Variants in IFT74 observed in about 807,000 individuals in gnomAD.
IFT74 encodes the protein intraflagellar transport protein 74 homolog.
A neutral mutation model predicts 96.7 loss-of-function variants in IFT74; 92 were observed. The ratio of observed to expected loss-of-function variants is 0.95; its 90% CI spans 0.80 to 1.13. IFT74 has a LOEUF of 1.13. Among genes scored for constraint, IFT74 ranks in the 50% most tolerant of loss-of-function variants. The pLI is 0.00. For synonymous variants in IFT74, 223 were observed against 213.2 expected, an observed-to-expected ratio of 1.05 and a Z score of -0.40; for missense variants, 811 against 698.2, an observed-to-expected ratio of 1.16 and a Z score of -1.82.
At chr9:27,008,728 A>C (rs1331280681) in intron 8 of IFT74, among the ~76,000 whole-genome samples, 5 of 152,186 alleles carry the variant, frequency 3.3e-5, no homozygotes, top group African/African-American at 1.2e-4. Context: ...TAAGTCATTA[A>C]GGATTTTTTG....
In IFT74 at chr9:27,064,740, C is replaced by T. The variant is rs1820556809; in HGVS notation, c.*2004C>T. Among the ~76,000 whole-genome samples the T allele has an allele frequency of 1.3e-5, 2 of 151,744 alleles. No homozygotes were observed. Among genetic ancestry groups the T allele is most frequent in the African/African-American group, 4.8e-5 (2 of 41,332 alleles). ...CAAATTTAAATGCCTTTACTTTTTC[C>T]TTAGGTTTTTTTTTATGATTTCTAC... is the stretch of plus-strand genomic sequence containing the variant. On this transcript the variant is annotated 3_prime_UTR_variant, in exon 20 of 20. Transcript: ENST00000380062.
At chr9:27,016,823 C>T (rs1717728031) in intron 10 of IFT74, 84 bp from the exon 11 acceptor site, 15 of 1,005,596 alleles carry the variant, frequency 1.5e-5, no homozygotes, top group South Asian at 2.1e-5. Flanking sequence ...TTAAATTTAC[C>T]CCCATTCTTA....
chr9:26,958,592 A>G (rs1233723981), intron 1 of IFT74, among the ~76,000 whole-genome samples: 1 of 152,198 alleles, frequency 6.6e-6, no homozygotes, highest in East Asian at 1.9e-4. Context: ...GGAAGATGTC[A>G]AGGACTAAAT....
At chr9:26,981,560 G>A (rs374587490) in intron 4 of IFT74, among the ~76,000 whole-genome samples, 250 of 151,876 alleles carry the variant, frequency 1.6e-3, no homozygotes, top group African/African-American at 5.5e-3. Context: ...GATTACAGGC[G>A]TTTGCCACCA....
Position 27,060,636 on chromosome 9 carries a change from T to G in IFT74, c.1669T>G (p.Phe557Val). The G allele has an allele frequency of 1.2e-6, 2 of 1,600,380 alleles. No individual in the cohort carries two copies. Among genetic ancestry groups the G allele is most frequent in the Non-Finnish European group, 1.7e-6 (2 of 1,171,566 alleles). Residue 557 changes from phenylalanine (F) to valine (V), a missense_variant, in exon 19 of 20, where the codon TTT becomes GTT. Physicochemically the swap from Phe to Val is conservative, Grantham distance 50 (BLOSUM62 -1). Transcript: ENST00000380062. ...GTGGCAACACCTTGAGCAAAATAAT[T>G]TTGCGATGAAAGAATGTATCCTTTA... ...RKWQHLEQNN[F>V]AMKEFIATKS... is the part of the protein sequence containing the mutation.
chr9:27,047,391 C>CT lies in IFT74; in HGVS notation c.1206+22dup. The CT allele has an allele frequency of 6.9e-7, 1 of 1,440,194 alleles. No homozygotes were observed. The highest frequency in any genetic ancestry group is 9.6e-7 in the Non-Finnish European group (1 of 1,040,402). The allele number at this position is 1,440,194 out of a possible 1,614,324, so 89.2% of individuals were successfully genotyped here. ...AGTCGAGTGAGTACCATGTGCCTGT[C>CT]TTGGTGTCCTCTTTATTTTTGCCGT... On this transcript the variant is annotated intron_variant, in intron 15 of 19. Transcript: ENST00000380062.
In IFT74 at chr9:27,054,264, A is replaced by G. The variant is rs1407214141; in HGVS notation, c.1334-1345A>G. Among the ~76,000 whole-genome samples, 4 of 152,290 alleles carry G rather than the reference A, an allele frequency of 2.6e-5. No individual in the cohort carries two copies. In the East Asian group the frequency reaches 7.7e-4, roughly 29 times the overall value. On this transcript the variant is annotated intron_variant, in intron 16 of 19. Transcript: ENST00000380062. ...ACTTTCTTACCTCTAGACTTTGCAC[A>G]TGCTGATTGTTTTTGCTGGAACACT... is the stretch of plus-strand genomic sequence containing the variant.
intron 8 of IFT74, among the ~76,000 whole-genome samples, chr9:26,991,296 T>A (rs1827854270): frequency 6.6e-6 from 1 of 152,198 alleles, no homozygotes; most frequent in Non-Finnish European, 1.5e-5. Flanking sequence ...TGCTCATGGC[T>A]CACTGCAGCC....
intron 8 of IFT74, chr9:26,996,287 T>C (rs1042637170): frequency 7.4e-7 from 1 of 1,359,748 alleles, no homozygotes; most frequent in Non-Finnish European, 1.0e-6. Flanking sequence ...TCAGCAGTGT[T>C]AATATATAGA....
chr9:27,015,962 T>C (rs1829324800), intron 10 of IFT74, among the ~76,000 whole-genome samples: 1 of 152,156 alleles, frequency 6.6e-6, no homozygotes, highest in South Asian at 2.1e-4. Context: ...TGTTAGCTAA[T>C]AACATTTTTG....
At chr9:26,980,038 G>A (rs990528464) in intron 3 of IFT74, among the ~76,000 whole-genome samples, 2 of 151,966 alleles carry the variant, frequency 1.3e-5, no homozygotes, top group Non-Finnish European at 2.9e-5. Flanking sequence ...TAGTTCTACT[G>A]AAATGTAAGA....
chr9:27,027,845 T>C (rs1457067199), intron 12 of IFT74, among the ~76,000 whole-genome samples: 8 of 152,180 alleles, frequency 5.3e-5, no homozygotes, highest in Admixed American at 5.2e-4. Flanking sequence ...TTTCTTTTGT[T>C]GCTCTTGCTT....
At chr9:26,947,123 C>A (rs1271109369) in exon 1 of IFT74, 8 of 1,391,218 alleles carry the variant, frequency 5.8e-6, no homozygotes, top group Middle Eastern at 2.3e-4. Flanking sequence ...GAGCGCCGGG[C>A]CGCGGCGGGA....
intron 8 of IFT74, among the ~76,000 whole-genome samples, chr9:27,008,363 C>T (rs555304827): frequency 6.9e-6 from 1 of 145,592 alleles, no homozygotes; most frequent in African/African-American, 2.5e-5. Context: ...ACTTATTTGT[C>T]TTTTTTTTTT....
intron 13 of IFT74, chr9:27,036,735 A>C: frequency 8.1e-7 from 1 of 1,230,858 alleles, no homozygotes; most frequent in Non-Finnish European, 1.0e-6. Flanking sequence ...AATCCCTTAC[A>C]GACTAAGAGA....
chr9:27,019,317 C>A (rs941603651), intron 12 of IFT74, among the ~76,000 whole-genome samples: 2 of 152,160 alleles, frequency 1.3e-5, no homozygotes, highest in South Asian at 4.1e-4. Context: ...TTAACCATCA[C>A]CTCCCTTATC....
intron 1 of IFT74, among the ~76,000 whole-genome samples, chr9:26,947,983 C>A (rs192577059): frequency 1.3e-5 from 2 of 152,244 alleles, no homozygotes; most frequent in Non-Finnish European, 2.9e-5. Context: ...TGACCTGTCT[C>A]CTTACTTTGT....
intron 13 of IFT74, chr9:27,036,522 A>G (rs371655056): frequency 4.3e-6 from 7 of 1,613,558 alleles, no homozygotes; most frequent in Non-Finnish European, 5.1e-6. Flanking sequence ...TGAACCTGCC[A>G]TGTGCTAAGC....
intron 13 of IFT74, among the ~76,000 whole-genome samples, chr9:27,031,771 TA>T (rs1191584837): frequency 6.9e-6 from 1 of 144,638 alleles, no homozygotes; most frequent in African/African-American, 2.6e-5. Flanking sequence ...TAAAATAAAA[TA>T]AAATAAAATA....
Sources: allele counts gnomAD v4.1 joint callset (sites outside exome capture counted in the v4.1 genomes callset), GRCh38; gene constraint gnomAD v4.1.1; transcripts MANE v1.5; gene names NCBI Gene and HGNC (gene_info 2026-07-23, HGNC 2026-07-21).